LDLRAD4: variants seen among roughly 807,000 people sequenced by gnomAD.
LDLRAD4 encodes the protein low density lipoprotein receptor class A domain containing 4.
In LDLRAD4, 5 loss-of-function variants were observed where a neutral mutation model predicts 17.0. That is an observed-to-expected ratio of 0.29 (90% CI 0.15 to 0.62). The LOEUF (loss-of-function observed/expected upper bound fraction) is 0.62, where lower values mean the gene tolerates loss of function less well. LDLRAD4 is among the 20% of genes least tolerant of loss of function. The pLI, the probability that LDLRAD4 is intolerant of heterozygous loss-of-function variation, is 0.84. For missense variants in LDLRAD4, 340 were observed against 424.7 expected, an observed-to-expected ratio of 0.80 and a Z score of 1.75; for synonymous variants, 168 against 171.8, an observed-to-expected ratio of 0.98 and a Z score of 0.17.
At chr18:13,483,140 G>A (rs1568230229) in intron 3 of LDLRAD4, among the ~76,000 whole-genome samples, 1 of 152,156 alleles carries the variant, frequency 6.6e-6, no homozygotes, top group African/African-American at 2.4e-5. Context: ...ATCTTGGGGT[G>A]TTGTTTTCTG....
At chr18:13,548,635 G>C (rs542970324) in intron 3 of LDLRAD4, among the ~76,000 whole-genome samples, 1 of 152,368 alleles carries the variant, frequency 6.6e-6, no homozygotes, top group East Asian at 1.9e-4. Context: ...GCCTGCTGGG[G>C]CACGGGGTGG....
At chr18:13,609,320 C>T (rs147775839) in intron 3 of LDLRAD4, among the ~76,000 whole-genome samples, 8 of 152,172 alleles carry the variant, frequency 5.3e-5, no homozygotes, top group East Asian at 3.8e-4. Context: ...GACTTGACCT[C>T]GGAACTTCCT....
chr18:13,471,349 A>C (rs1364285845), intron 3 of LDLRAD4: 1 of 152,270 alleles, frequency 6.6e-6, no homozygotes, highest in African/African-American at 2.4e-5. Context: ...GACACTGAGC[A>C]GAAGTGGCGG....
In LDLRAD4 at chr18:13,398,287, C is replaced by T. The variant is rs1381151406; in HGVS notation, c.40+10525C>T. Among the ~76,000 whole-genome samples, 3 of 152,226 alleles carry T rather than the reference C, an allele frequency of 2.0e-5. No homozygotes were observed. Among genetic ancestry groups the T allele is most frequent in the East Asian group, 3.9e-4 (2 of 5,184 alleles). ...TTTCCATGTGTACCTTAGATAACCT[C>T]ACTGGCGTTTGTCATTCTGCTTTTG... is the stretch of plus-strand genomic sequence containing the variant. On this transcript the variant is annotated intron_variant, in intron 2 of 5. Coordinates refer to ENST00000359446, the Ensembl canonical transcript of LDLRAD4. The surrounding 1 kb of genome is among the most constrained non-coding windows in gnomAD (Gnocchi z 4.8).
At chr18:13,241,967 C>G (rs577978691) in intron 1 of LDLRAD4, 2 of 152,304 alleles carry the variant, frequency 1.3e-5, no homozygotes, top group African/African-American at 4.8e-5. Flanking sequence ...GGGTTTCTCA[C>G]ACGCGTCATC....
intron 1 of LDLRAD4, among the ~76,000 whole-genome samples, chr18:13,296,197 T>C (rs2046263538): frequency 6.6e-6 from 1 of 152,254 alleles, no homozygotes; most frequent in South Asian, 2.1e-4. Flanking sequence ...CGTAGATGAC[T>C]TCTGCTTCGC....
At chr18:13,224,202 T>C (rs2041623907) in intron 1 of LDLRAD4, among the ~76,000 whole-genome samples, 1 of 152,214 alleles carries the variant, frequency 6.6e-6, no homozygotes, top group Non-Finnish European at 1.5e-5. Flanking sequence ...CCTTATCCCT[T>C]GAGTTCCTTG....
intron 1 of LDLRAD4, among the ~76,000 whole-genome samples, chr18:13,265,284 C>T (rs961090223): frequency 6.6e-6 from 1 of 152,200 alleles, no homozygotes; most frequent in African/African-American, 2.4e-5. Flanking sequence ...AACCGCCTTA[C>T]CACCTAGTGG....
At chr18:13,486,813 A>T (rs1298443352) in intron 3 of LDLRAD4, 1 of 152,204 alleles carries the variant, frequency 6.6e-6, no homozygotes, top group East Asian at 1.9e-4. Context: ...AAACAAAAAA[A>T]GCCCCAGAAC....
At chr18:13,643,551 A>G in intron 5 of LDLRAD4, 139 bp downstream of exon 6, 1 of 443,768 alleles carries the variant, frequency 2.3e-6, no homozygotes, top group Non-Finnish European at 3.9e-6. Context: ...GGCATTGCCT[A>G]GAACTTTGGT....
upstream of LDLRAD4, among the ~76,000 whole-genome samples, chr18:13,276,682 C>T (rs1468744512): frequency 1.3e-5 from 2 of 152,308 alleles, no homozygotes; most frequent in South Asian, 2.1e-4. Flanking sequence ...GGTGGCAGCT[C>T]GCTTCTCCAA....
intron 3 of LDLRAD4, among the ~76,000 whole-genome samples, chr18:13,574,626 C>T (rs1307262124): frequency 2.6e-5 from 4 of 152,208 alleles, no homozygotes; most frequent in East Asian, 3.8e-4. Flanking sequence ...CTTTGACGCT[C>T]ATGGAGCCCT....
At chr18:13,385,352 T>TTCC (rs1211985148) in intron 1 of LDLRAD4, among the ~76,000 whole-genome samples, 1 of 152,236 alleles carries the variant, frequency 6.6e-6, no homozygotes, top group African/African-American at 2.4e-5. Context: ...ACTGAGTTGT[T>TTCC]TGAGTTCCTT....
rs370916797 is a variant in LDLRAD4, at chr18:13,582,046, G to A, written c.182-39071G>A. On this transcript the variant is annotated intron_variant, in intron 3 of 5. Transcript: ENST00000359446. ...CTGTGAAAGGAGCATGGCCTTGGGG[G>A]CATTATAAATCCAGATTGGAGTCAG... 2.4e-4 allele frequency among the ~76,000 whole-genome samples: 37 copies of A among 152,210 alleles called. 2 individuals are homozygous for A. In the South Asian group the frequency reaches 7.3e-3, roughly 30 times the overall value.
chr18:13,271,939 A>G (rs941895633), intron 1 of LDLRAD4, among the ~76,000 whole-genome samples: 2 of 123,084 alleles, frequency 1.6e-5, no homozygotes, highest in Non-Finnish European at 1.6e-5. Context: ...TTGCTTTGCC[A>G]GGCTGGAGTG....
At chr18:13,350,937 CG>C (rs1299254817) in intron 1 of LDLRAD4, among the ~76,000 whole-genome samples, 1 of 151,968 alleles carries the variant, frequency 6.6e-6, no homozygotes, top group Non-Finnish European at 1.5e-5. Context: ...AGCAGATAGT[CG>C]TAGATGTGTG....
At chr18:13,612,711 AG>A in intron 3 of LDLRAD4, 1 of 1,613,876 alleles carries the variant, frequency 6.2e-7, no homozygotes, top group Non-Finnish European at 8.5e-7. Context: ...GATTATGTCC[AG>A]TGACCACCTG....
intron 3 of LDLRAD4, among the ~76,000 whole-genome samples, chr18:13,473,671 A>ATG (rs2092850132): frequency 8.8e-6 from 1 of 113,326 alleles, no homozygotes; most frequent in Non-Finnish European, 1.8e-5. Context: ...ATATATATAT[A>ATG]TATATATAAC....
intron 3 of LDLRAD4, among the ~76,000 whole-genome samples, chr18:13,617,197 C>G (rs1356081782): frequency 6.6e-6 from 1 of 152,052 alleles, no homozygotes; most frequent in Non-Finnish European, 1.5e-5. Flanking sequence ...CTTGGTCTCC[C>G]AAAGTGCTGA....
Sources: allele counts gnomAD v4.1 joint callset (sites outside exome capture counted in the v4.1 genomes callset), GRCh38; gene constraint gnomAD v4.1.1; non-coding constraint Gnocchi (gnomAD v3.1); transcripts MANE v1.5; gene names NCBI Gene and HGNC (gene_info 2026-07-23, HGNC 2026-07-21).